CD96: variants seen among roughly 807,000 people sequenced by gnomAD.
CD96 encodes the protein T-cell surface protein tactile.
CD96 carries 70 observed loss-of-function variants against 71.3 expected under a neutral mutation model. The observed-to-expected ratio is 0.98, with a 90% CI of 0.81 to 1.20. CD96 has a LOEUF of 1.20. CD96 is among the 50% of genes most tolerant of loss of function. CD96 has a pLI of 0.00. For missense variants in CD96, 742 were observed against 677.5 expected (o/e 1.10, Z -1.06); for synonymous variants, 248 against 233.0 (o/e 1.06, Z -0.59).
At chr3:111,553,746 T>C (rs1934846013) in intron 2 of CD96, among the ~76,000 whole-genome samples, 1 of 152,040 alleles carries the variant, frequency 6.6e-6, no homozygotes, top group African/African-American at 2.4e-5. Context: ...CTAGTATTTT[T>C]AGAAAGTGAC....
downstream of CD96, chr3:111,652,461 G>A (rs1559782132): frequency 6.6e-6 from 1 of 152,118 alleles, no homozygotes; most frequent in Non-Finnish European, 1.5e-5. Context: ...GGAGTAGAGA[G>A]TGGCAGAGTT....
At chr3:111,569,357 G>T (rs1935866733) in intron 3 of CD96, among the ~76,000 whole-genome samples, 1 of 152,182 alleles carries the variant, frequency 6.6e-6, no homozygotes, top group Admixed American at 6.5e-5. Flanking sequence ...AAACTCGTCT[G>T]CCCTTTTATA....
chr3:111,588,821 A>G (rs1936834810), intron 5 of CD96, among the ~76,000 whole-genome samples: 1 of 152,228 alleles, frequency 6.6e-6, no homozygotes, highest in Non-Finnish European at 1.5e-5. Context: ...ATTATACAGC[A>G]AAAGATTTAA....
At chr3:111,601,756 C>A (rs1454243083) in intron 7 of CD96, among the ~76,000 whole-genome samples, 1 of 152,200 alleles carries the variant, frequency 6.6e-6, no homozygotes, top group Admixed American at 6.5e-5. Context: ...ATAACATACT[C>A]ATAAAAACAC....
intron 4 of CD96, among the ~76,000 whole-genome samples, chr3:111,581,605 C>T (rs1405645758): frequency 1.3e-5 from 2 of 152,332 alleles, no homozygotes; most frequent in African/African-American, 2.4e-5. Context: ...TTTGGTTTTC[C>T]TTTCCTTGGC....
At chr3:111,600,350 C>G (rs1051489749) in intron 6 of CD96, among the ~76,000 whole-genome samples, 1 of 152,182 alleles carries the variant, frequency 6.6e-6, no homozygotes, top group African/African-American at 2.4e-5. Context: ...GCAACATAAC[C>G]AGATTCCACA....
intron 10 of CD96, among the ~76,000 whole-genome samples, chr3:111,627,558 A>C (rs887399853): frequency 6.6e-6 from 1 of 152,210 alleles, no homozygotes; most frequent in African/African-American, 2.4e-5. Context: ...CTGTTTGGGC[A>C]TCTCATCCAG....
At chr3:111,629,824 C>T (rs1938969019) in intron 10 of CD96, among the ~76,000 whole-genome samples, 1 of 152,074 alleles carries the variant, frequency 6.6e-6, no homozygotes, top group Non-Finnish European at 1.5e-5. Flanking sequence ...TCTCTCAGAC[C>T]ACAGCACAAT....
At chr3:111,592,337 G>T (rs1002877618) in intron 5 of CD96, among the ~76,000 whole-genome samples, 2 of 152,148 alleles carry the variant, frequency 1.3e-5, no homozygotes, top group African/African-American at 4.8e-5. Flanking sequence ...AACATTTAAA[G>T]GTAAACAGTT....
intron 10 of CD96, among the ~76,000 whole-genome samples, chr3:111,626,360 T>C (rs1381266773): frequency 8.2e-6 from 1 of 122,650 alleles, no homozygotes; most frequent in Admixed American, 8.0e-5. Flanking sequence ...AATCAGGAAA[T>C]ATAAATGAAG....
intron 3 of CD96, among the ~76,000 whole-genome samples, chr3:111,567,933 G>C (rs1391484475): frequency 6.6e-6 from 1 of 152,170 alleles, no homozygotes; most frequent in Non-Finnish European, 1.5e-5. Flanking sequence ...AACAAAGTGT[G>C]ATAGTGCCCT....
intron 2 of CD96, among the ~76,000 whole-genome samples, chr3:111,554,969 T>C (rs1934913764): frequency 6.6e-6 from 1 of 152,008 alleles, no homozygotes; most frequent in South Asian, 2.1e-4. Flanking sequence ...AAATGTGTAA[T>C]TCACAATAGA....
chr3:111,557,176 G>T (rs1230880832), intron 2 of CD96, among the ~76,000 whole-genome samples: 9 of 113,380 alleles, frequency 7.9e-5, no homozygotes, highest in Non-Finnish European at 1.2e-4. Context: ...TCTGATGGTA[G>T]TTTCTTTTGC....
At chr3:111,593,419 T>G in intron 5 of CD96, 1 of 1,160,252 alleles carries the variant, frequency 8.6e-7, no homozygotes, top group Non-Finnish European at 1.2e-6. Flanking sequence ...ACTCATACTG[T>G]GCACTATTTC....
chr3:111,611,671 G>A (rs1482518304), intron 8 of CD96, among the ~76,000 whole-genome samples: 1 of 152,096 alleles, frequency 6.6e-6, no homozygotes, highest in Non-Finnish European at 1.5e-5. Flanking sequence ...AAGGAAGGGG[G>A]ATCAGGGAAG....
chr3:111,639,352 C>T (rs981983271), intron 12 of CD96, among the ~76,000 whole-genome samples: 2 of 151,556 alleles, frequency 1.3e-5, no homozygotes, highest in African/African-American at 4.8e-5. Flanking sequence ...CCTGTGACTG[C>T]CGGCTTTCCC....
intron 4 of CD96, among the ~76,000 whole-genome samples, chr3:111,583,434 C>G (rs1005137180): frequency 1.3e-5 from 2 of 152,172 alleles, no homozygotes; most frequent in Non-Finnish European, 2.9e-5. Context: ...TGGCCCTCTT[C>G]TCACAGCTCC....
At chr3:111,585,500 T>C in intron 5 of CD96, 122 bp downstream of exon 5, 1 of 692,266 alleles carries the variant, frequency 1.4e-6, no homozygotes, top group South Asian at 1.5e-5. Context: ...AATTAACTGC[T>C]AATAGGGATG....
chr3:111,543,799 T>C (rs1461855272), intron 1 of CD96, among the ~76,000 whole-genome samples: 1 of 152,190 alleles, frequency 6.6e-6, no homozygotes, highest in African/African-American at 2.4e-5. Flanking sequence ...TCTGTCTAGC[T>C]TCAAGATTGA....
Sources: allele counts gnomAD v4.1 joint callset (sites outside exome capture counted in the v4.1 genomes callset), GRCh38; gene constraint gnomAD v4.1.1; transcripts MANE v1.5; gene names NCBI Gene and HGNC (gene_info 2026-07-23, HGNC 2026-07-21).